PLCL2: variants seen among roughly 807,000 people sequenced by gnomAD.
PLCL2 encodes phospholipase C like 2, also known as inactive phospholipase C-like protein 2.
Under a neutral mutation model 79.6 loss-of-function variants are expected in PLCL2, and 4 were observed. That is an observed-to-expected ratio of 0.05 (90% CI 0.02 to 0.11). The LOEUF (loss-of-function observed/expected upper bound fraction) is 0.11. PLCL2 is among the 10% of genes least tolerant of loss of function. The pLI is 1.00. For missense variants in PLCL2, 895 were observed against 1,291.0 expected, an observed-to-expected ratio of 0.69 and a Z score of 4.70; for synonymous variants, 484 against 457.7, an observed-to-expected ratio of 1.06 and a Z score of -0.73.
intron 1 of PLCL2, among the ~76,000 whole-genome samples, chr3:16,999,870 T>G (rs563624652): frequency 5.1e-4 from 78 of 152,346 alleles, no homozygotes; most frequent in Non-Finnish European, 1.1e-3. Context: ...ATTTCTCTTT[T>G]GGATAGCCTT....
chr3:16,964,163 C>A (rs1302550673), intron 1 of PLCL2, among the ~76,000 whole-genome samples: 4 of 149,606 alleles, frequency 2.7e-5, no homozygotes, highest in Admixed American at 6.7e-5. Flanking sequence ...CTAATGCTAT[C>A]CCTCTCCCCT....
At chr3:16,928,220 AG>A (rs1265274630) in intron 1 of PLCL2, among the ~76,000 whole-genome samples, 2 of 152,184 alleles carry the variant, frequency 1.3e-5, no homozygotes, top group Non-Finnish European at 2.9e-5. Flanking sequence ...TAGTGCTAGG[AG>A]GGAGGCCCTC....
At chr3:16,981,105 C>G (rs927213111) in intron 1 of PLCL2, among the ~76,000 whole-genome samples, 9 of 152,246 alleles carry the variant, frequency 5.9e-5, no homozygotes, top group South Asian at 4.1e-4. Context: ...AGCTTCGGCT[C>G]GGCATCAGAG....
At chr3:17,057,190 A>G (rs1345297899) in intron 4 of PLCL2, among the ~76,000 whole-genome samples, 1 of 152,212 alleles carries the variant, frequency 6.6e-6, no homozygotes, top group Non-Finnish European at 1.5e-5. Context: ...GGACTTCATC[A>G]TCAAATTTTT....
chr3:16,976,925 G>T (rs1002045337), intron 1 of PLCL2, among the ~76,000 whole-genome samples: 6 of 152,110 alleles, frequency 3.9e-5, no homozygotes, highest in Non-Finnish European at 8.8e-5. Context: ...CTGGTCCCTG[G>T]CTGGGGCCCA....
At chr3:16,905,177 G>A (rs1234548428) in intron 1 of PLCL2, among the ~76,000 whole-genome samples, 1 of 152,206 alleles carries the variant, frequency 6.6e-6, no homozygotes, top group Non-Finnish European at 1.5e-5. Flanking sequence ...CAGTGGTGCT[G>A]TCCTTGCCAC....
chr3:16,910,098 T>C (rs1251392343), intron 1 of PLCL2, among the ~76,000 whole-genome samples: 1 of 152,198 alleles, frequency 6.6e-6, no homozygotes, highest in Non-Finnish European at 1.5e-5. Flanking sequence ...CAGTTTTCAC[T>C]CTCTACTGGA....
chr3:16,970,420 C>A (rs1484514411), intron 1 of PLCL2, among the ~76,000 whole-genome samples: 3 of 149,482 alleles, frequency 2.0e-5, no homozygotes, highest in African/African-American at 7.4e-5. Flanking sequence ...CATAGTATTC[C>A]ATGGTGTATA....
At chr3:16,929,617 A>G (rs1311519286) in intron 1 of PLCL2, among the ~76,000 whole-genome samples, 2 of 152,004 alleles carry the variant, frequency 1.3e-5, no homozygotes, top group African/African-American at 2.4e-5. Context: ...CTGACCGTTG[A>G]TGTGCTGTTT....
chr3:16,910,463 C>G (rs551271309), intron 1 of PLCL2, among the ~76,000 whole-genome samples: 1 of 152,090 alleles, frequency 6.6e-6, no homozygotes, highest in African/African-American at 2.4e-5. Context: ...TTCCAGGGCT[C>G]CCTACTCTCC....
chr3:16,937,627 C>T (rs1697572253), intron 1 of PLCL2, among the ~76,000 whole-genome samples: 1 of 152,206 alleles, frequency 6.6e-6, no homozygotes, highest in Admixed American at 6.5e-5. Flanking sequence ...GAAGCACCCA[C>T]CTGCTGTGGA....
chr3:17,053,070 G>A (rs1010416386), intron 4 of PLCL2, among the ~76,000 whole-genome samples: 2 of 152,076 alleles, frequency 1.3e-5, no homozygotes, highest in African/African-American at 4.8e-5. Context: ...ATGGAAACCT[G>A]AGAGCCTTAT....
At chr3:17,083,729 A>T (rs2065187227) in intron 5 of PLCL2, among the ~76,000 whole-genome samples, 1 of 152,172 alleles carries the variant, frequency 6.6e-6, no homozygotes, top group South Asian at 2.1e-4. Flanking sequence ...CTACTGACAG[A>T]TGGGATGATA....
chr3:16,951,020 T>C (rs887577371), intron 1 of PLCL2, among the ~76,000 whole-genome samples: 3 of 152,162 alleles, frequency 2.0e-5, no homozygotes, highest in Admixed American at 6.5e-5. Flanking sequence ...ACAATACACA[T>C]GACAGCCTCT....
chr3:16,901,648 G>A (rs1481653346), intron 1 of PLCL2, among the ~76,000 whole-genome samples: 3 of 152,168 alleles, frequency 2.0e-5, no homozygotes, highest in East Asian at 1.9e-4. Flanking sequence ...ACTCTGGATC[G>A]CATCCTCTCC....
At chr3:16,916,991 C>CA (rs1292550306) in intron 1 of PLCL2, among the ~76,000 whole-genome samples, 1 of 152,164 alleles carries the variant, frequency 6.6e-6, no homozygotes, top group Non-Finnish European at 1.5e-5. Flanking sequence ...CTGGGAGACT[C>CA]ATAGTTTCCT....
At chr3:17,018,961 T>A (rs963053644) in intron 3 of PLCL2, among the ~76,000 whole-genome samples, 12 of 152,150 alleles carry the variant, frequency 7.9e-5, no homozygotes, top group Non-Finnish European at 2.9e-5. Flanking sequence ...AGCTTATAAT[T>A]TAGTTGAAGA....
chr3:16,923,819 C>A (rs1012981053), intron 1 of PLCL2, among the ~76,000 whole-genome samples: 2 of 152,088 alleles, frequency 1.3e-5, no homozygotes, highest in African/African-American at 4.8e-5. Context: ...CTTTTTCTTT[C>A]TGCTCCTCAG....
Position 16,983,897 on chromosome 3 carries a change from G to A in PLCL2, c.328-25777G>A, listed in dbSNP as rs572090466. 8.5e-5 allele frequency among the ~76,000 whole-genome samples: 13 copies of A among 152,272 alleles called. No individual in the cohort carries two copies. In the East Asian group the frequency reaches 2.1e-3, roughly 25 times the overall value. Reference sequence around the variant, plus strand: ...CCTAATGCTTTCATTGCATTTTGCAGTCACATTTTCAAATGTAATGATTTT... The same window carrying A: ...CCTAATGCTTTCATTGCATTTTGCAATCACATTTTCAAATGTAATGATTTT... On this transcript the variant is annotated intron_variant, in intron 1 of 5. Transcript: ENST00000615277.
Sources: allele counts gnomAD v4.1 joint callset (sites outside exome capture counted in the v4.1 genomes callset), GRCh38; gene constraint gnomAD v4.1.1; transcripts MANE v1.5; gene names NCBI Gene and HGNC (gene_info 2026-07-23, HGNC 2026-07-21).